The following CADM2 variants were observed in gnomAD, a reference collection of about 807,000 sequenced individuals.
CADM2 encodes immunoglobulin superfamily member 4D.
A neutral mutation model predicts 49.8 loss-of-function variants in CADM2; 12 were observed. The ratio of observed to expected loss-of-function variants is 0.24; its 90% CI spans 0.15 to 0.39. The LOEUF (loss-of-function observed/expected upper bound fraction) is 0.39. CADM2 is among the 10% of genes least tolerant of loss of function. The pLI, the probability that CADM2 is intolerant of heterozygous loss-of-function variation, is 1.00. For missense variants in CADM2, 378 were observed against 492.3 expected (o/e 0.77, Z 2.20); for synonymous variants, 214 against 175.4 (o/e 1.22, Z -1.74).
chr3:85,813,664 G>A (rs58875790), intron 3 of CADM2, among the ~76,000 whole-genome samples: 7,581 of 152,204 alleles, frequency 0.05, 541 homozygotes, highest in African/African-American at 0.16. Flanking sequence ...GGGTTTTTAC[G>A]ATTTTAGGTC....
intron 1 of CADM2, among the ~76,000 whole-genome samples, chr3:85,564,394 T>C (rs951828636): frequency 1.3e-5 from 2 of 152,086 alleles, no homozygotes; most frequent in African/African-American, 2.4e-5. Flanking sequence ...ATATAAGTCT[T>C]AGAGTAAGAG....
intron 1 of CADM2, among the ~76,000 whole-genome samples, chr3:85,415,714 C>T (rs1022214423): frequency 2.1e-4 from 32 of 152,072 alleles, no homozygotes; most frequent in African/African-American, 7.5e-4. Flanking sequence ...AAACTATGTA[C>T]TTCAAACAAA....
At chr3:86,021,997 A>T (rs1733253255) in intron 8 of CADM2, among the ~76,000 whole-genome samples, 2 of 152,172 alleles carry the variant, frequency 1.3e-5, no homozygotes. Flanking sequence ...ACACACTCAA[A>T]AAAAGGTAAC....
intron 1 of CADM2, among the ~76,000 whole-genome samples, chr3:85,492,301 A>G (rs1319677332): frequency 6.6e-6 from 1 of 152,152 alleles, no homozygotes; most frequent in Non-Finnish European, 1.5e-5. Flanking sequence ...TATAAATGGA[A>G]TATTTCGAAG....
At chr3:85,651,523 A>G (rs1298669313) in intron 1 of CADM2, among the ~76,000 whole-genome samples, 1 of 152,202 alleles carries the variant, frequency 6.6e-6, no homozygotes, top group Non-Finnish European at 1.5e-5. Flanking sequence ...TAGGAAGAAA[A>G]TAAAGACTGC....
intron 1 of CADM2, among the ~76,000 whole-genome samples, chr3:85,062,749 A>G (rs2036381257): frequency 6.6e-6 from 1 of 151,982 alleles, no homozygotes; most frequent in Non-Finnish European, 1.5e-5. Flanking sequence ...AGAACTGACG[A>G]ATGTTGCTAT....
chr3:85,695,018 T>C (rs1224742345), intron 1 of CADM2, among the ~76,000 whole-genome samples: 1 of 152,314 alleles, frequency 6.6e-6, no homozygotes, highest in Middle Eastern at 3.4e-3. Flanking sequence ...TCCCTTGACT[T>C]TCTCTTTTAG....
rs1256980205 is a variant in CADM2, at chr3:85,841,246, C to A, written c.238+39050C>A. Among the ~76,000 whole-genome samples the A allele has an allele frequency of 2.0e-5, 3 of 151,780 alleles. No individual in the cohort carries two copies. In the East Asian group the frequency reaches 5.8e-4, roughly 29 times the overall value. On this transcript the variant is annotated intron_variant, in intron 3 of 9. Transcript: ENST00000383699. ...TCCTTTAGGTGAATATTTAAAAACA[C>A]TTTCAGTGCCAGGCTAGAATTACAT...
Position 85,961,391 on chromosome 3 carries a change from A to T in CADM2, c.792-78A>T, listed in dbSNP as rs2074896884. On this transcript the variant is annotated intron_variant, in intron 7 of 9. Coordinates refer to ENST00000383699, the MANE Select transcript of CADM2 (RefSeq NM_001167675.2). ...GTGTACAAAATACATGTTAAATATT[A>T]AAAAATTGATTTACTAAATTTACAC... 5 of 1,234,950 alleles carry T rather than the reference A, an allele frequency of 4.0e-6. No individual in the cohort carries two copies. The African/African-American group carries it at 6.1e-5, about 15-fold the overall frequency. 76.5% of individuals were successfully genotyped at this position (1,234,950 alleles called of 1,614,324 possible). A position where few individuals can be genotyped will look rare whatever the true frequency, so the allele number is the denominator to read the frequency against.
At chr3:86,034,367 G>T (rs919040200) in intron 8 of CADM2, among the ~76,000 whole-genome samples, 1 of 151,930 alleles carries the variant, frequency 6.6e-6, no homozygotes, top group Non-Finnish European at 1.5e-5. Flanking sequence ...CCTCATAATA[G>T]AATTAGTGCT....
chr3:85,482,503 A>G (rs1559862345), intron 1 of CADM2, among the ~76,000 whole-genome samples: 1 of 151,762 alleles, frequency 6.6e-6, no homozygotes, highest in African/African-American at 2.4e-5. Context: ...GTGATGGCTA[A>G]TTCTATTTTT....
intron 1 of CADM2, among the ~76,000 whole-genome samples, chr3:84,981,134 C>A (rs533136896): frequency 1.6e-5 from 2 of 122,688 alleles, no homozygotes; most frequent in East Asian, 6.0e-4. Flanking sequence ...CCCCTCCCCC[C>A]ACCCCACAAC....
At chr3:85,105,534 G>A (rs11713170) in intron 1 of CADM2, among the ~76,000 whole-genome samples, 70,606 of 151,916 alleles carry the variant, frequency 0.46, 18,382 homozygotes, top group Non-Finnish European at 0.6. Context: ...AAGTCAGTGT[G>A]GCAATTCCTC....
At chr3:85,880,384 CTTA>C (rs1712565105) in intron 3 of CADM2, among the ~76,000 whole-genome samples, 1 of 151,966 alleles carries the variant, frequency 6.6e-6, no homozygotes, top group African/African-American at 2.4e-5. Context: ...TGTATTTTCT[CTTA>C]TTTTGTTATT....
intron 5 of CADM2, among the ~76,000 whole-genome samples, chr3:85,905,388 A>G (rs993682239): frequency 6.6e-6 from 1 of 152,192 alleles, no homozygotes; most frequent in South Asian, 2.1e-4. Flanking sequence ...TACAAAGAAA[A>G]TCAATTAAAG....
chr3:85,046,953 A>G (rs1274385061), intron 1 of CADM2, among the ~76,000 whole-genome samples: 1 of 152,052 alleles, frequency 6.6e-6, no homozygotes, highest in Non-Finnish European at 1.5e-5. Flanking sequence ...CCAAATTTCT[A>G]AAATAATAAA....
chr3:85,606,146 C>A (rs181878205), intron 1 of CADM2, among the ~76,000 whole-genome samples: 1 of 152,050 alleles, frequency 6.6e-6, no homozygotes, highest in Non-Finnish European at 1.5e-5. Context: ...CTTGGAACAA[C>A]CTTTTTTATT....
At chr3:85,028,661 G>A (rs940917705) in intron 1 of CADM2, among the ~76,000 whole-genome samples, 3 of 151,948 alleles carry the variant, frequency 2.0e-5, no homozygotes, top group East Asian at 1.9e-4. Context: ...TAGAAATCTC[G>A]TGATATTTGA....
chr3:85,365,653 G>A (rs1310055009), intron 1 of CADM2, among the ~76,000 whole-genome samples: 1 of 151,984 alleles, frequency 6.6e-6, no homozygotes, highest in African/African-American at 2.4e-5. Flanking sequence ...TAGAAAGGTA[G>A]GCTACAGAGA....
Sources: allele counts gnomAD v4.1 joint callset (sites outside exome capture counted in the v4.1 genomes callset), GRCh38; gene constraint gnomAD v4.1.1; transcripts MANE v1.5; gene names NCBI Gene and HGNC (gene_info 2026-07-23, HGNC 2026-07-21).